FAM204A: variants seen among roughly 807,000 people sequenced by gnomAD.
The protein encoded by FAM204A is family with sequence similarity 204 member A.
FAM204A carries 16 observed loss-of-function variants against 35.4 expected under a neutral mutation model. The ratio of observed to expected loss-of-function variants is 0.45; its 90% CI spans 0.31 to 0.69. The LOEUF (loss-of-function observed/expected upper bound fraction) is 0.69. Among genes scored for constraint, FAM204A ranks in the 30% least tolerant of loss-of-function variants. The probability of loss-of-function intolerance (pLI) is 0.07; values close to 1 mark genes in which losing one functional copy is unlikely to be tolerated. For synonymous variants in FAM204A, 76 were observed against 86.9 expected, an observed-to-expected ratio of 0.88 and a Z score of 0.70; for missense variants, 240 against 265.7, an observed-to-expected ratio of 0.90 and a Z score of 0.67.
chr10:118,332,174 A>G (rs1032067992), intron 6 of FAM204A, among the ~76,000 whole-genome samples: 3 of 33,444 alleles, frequency 9.0e-5, no homozygotes, highest in African/African-American at 2.6e-4. Context: ...TCTGTTTCAG[A>G]AAAAAAAAAA....
chr10:118,298,148 C>T lies in FAM204A; in HGVS notation c.*12709G>A, dbSNP rs909108300. On this transcript the variant is annotated 3_prime_UTR_variant, in exon 9 of 9. Coordinates refer to ENST00000369183, the MANE Select transcript of FAM204A (RefSeq NM_022063.3). Reference sequence around the variant, plus strand: ...ATGTGTGTGGGAGTGAGAGAGCTAACGTTACGTGTGGCTTTAAATTTTTGA... The same window carrying T: ...ATGTGTGTGGGAGTGAGAGAGCTAATGTTACGTGTGGCTTTAAATTTTTGA... 5 of 152,162 alleles carry T rather than the reference C, an allele frequency of 3.3e-5. No individual in the cohort carries two copies. The highest frequency in any genetic ancestry group is 7.3e-5 in the Non-Finnish European group (5 of 68,048). 9.4% of individuals were successfully genotyped at this position (152,162 alleles called of 1,614,324 possible).
At chr10:118,337,483 T>TA (rs1433032782) in intron 2 of FAM204A, among the ~76,000 whole-genome samples, 1 of 152,190 alleles carries the variant, frequency 6.6e-6, no homozygotes, top group African/African-American at 2.4e-5. Flanking sequence ...GATTTTGTGA[T>TA]AACAGATTTC....
chr10:118,318,107 T>C (rs968141393), intron 7 of FAM204A, among the ~76,000 whole-genome samples: 1 of 152,036 alleles, frequency 6.6e-6, no homozygotes, highest in East Asian at 1.9e-4. Flanking sequence ...TGGTCTCCTA[T>C]ATTCTTTCTC....
chr10:118,319,731 G>A (rs139129666), intron 7 of FAM204A, among the ~76,000 whole-genome samples: 2 of 151,886 alleles, frequency 1.3e-5, no homozygotes, highest in African/African-American at 4.8e-5. Flanking sequence ...AGATGGCAGC[G>A]CATTATAACC....
intron 7 of FAM204A, among the ~76,000 whole-genome samples, chr10:118,324,889 T>A (rs1332113106): frequency 6.6e-6 from 1 of 152,166 alleles, no homozygotes; most frequent in Non-Finnish European, 1.5e-5. Flanking sequence ...CAGCTTATTT[T>A]CTGAAAGGCC....
Position 118,305,848 on chromosome 10 carries a change from A to C in FAM204A, c.*5009T>G, listed in dbSNP as rs901440274. 2.6e-5 allele frequency: 4 copies of C among 152,236 alleles called. No individual in the cohort carries two copies. The highest frequency in any genetic ancestry group is 2.9e-5 in the Non-Finnish European group (2 of 68,036). 9.4% of individuals were successfully genotyped at this position (152,236 alleles called of 1,614,324 possible). A position where few individuals can be genotyped will look rare whatever the true frequency, so the allele number is the denominator to read the frequency against. ...AAACGCAAAGCTTCATTGTTTCACT[A>C]TTCCTTGTGACATTCATAATTACTT... On this transcript the variant is annotated 3_prime_UTR_variant, in exon 9 of 9. Coordinates refer to ENST00000369183, the MANE Select transcript of FAM204A (RefSeq NM_022063.3).
chr10:118,326,284 A>G, intron 6 of FAM204A, 41 bp from the exon 7 acceptor site: 2 of 1,542,768 alleles, frequency 1.3e-6, no homozygotes, highest in Non-Finnish European at 8.9e-7. Context: ...CTGGAAGGAA[A>G]GCAAACATTT....
At chr10:118,320,272 TAAAA>T (rs1167494995) in intron 7 of FAM204A, among the ~76,000 whole-genome samples, 2 of 146,256 alleles carry the variant, frequency 1.4e-5, no homozygotes, top group Non-Finnish European at 1.5e-5. Context: ...TTAAATAAAA[TAAAA>T]ACTTTATTTA....
intron 6 of FAM204A, among the ~76,000 whole-genome samples, chr10:118,330,078 CTTTA>C (rs1197571223): frequency 6.6e-6 from 1 of 152,140 alleles, no homozygotes; most frequent in Non-Finnish European, 1.5e-5. Context: ...GCACCTAGAA[CTTTA>C]TTTAATTTTT....
rs1282417818 is a variant in FAM204A at position 118,298,689 on chromosome 10, C to T, written c.*12168G>A. 2 of 152,144 alleles carry T rather than the reference C, an allele frequency of 1.3e-5. No homozygotes were observed. Among genetic ancestry groups the T allele is most frequent in the Non-Finnish European group, 2.9e-5 (2 of 68,034 alleles). The allele number at this position is 152,144 out of a possible 1,614,324, so 9.4% of individuals were successfully genotyped here. A position where few individuals can be genotyped will look rare whatever the true frequency, so the allele number is the denominator to read the frequency against. On this transcript the variant is annotated 3_prime_UTR_variant, in exon 9 of 9. Coordinates refer to ENST00000369183, the MANE Select transcript of FAM204A (RefSeq NM_022063.3). ...CAATGTACAGAGATTATTGTTACGTCCACATTATTATTTTTGGCACTAGGA... is the reference window on the plus strand; with the variant it reads ...CAATGTACAGAGATTATTGTTACGTTCACATTATTATTTTTGGCACTAGGA...
chr10:118,323,774 C>A (rs1238814068), intron 7 of FAM204A, among the ~76,000 whole-genome samples: 1 of 151,946 alleles, frequency 6.6e-6, no homozygotes, highest in Admixed American at 6.6e-5. Context: ...CTTTCAAGTA[C>A]AATTACTTGA....
intron 4 of FAM204A, 27 bp from the exon 5 acceptor site, chr10:118,335,453 A>C: frequency 6.3e-7 from 1 of 1,597,158 alleles, no homozygotes; most frequent in Non-Finnish European, 8.5e-7. Context: ...AAGTGTCAAT[A>C]CCTAACTTCA....
chr10:118,328,035 T>C (rs915190163), intron 6 of FAM204A, among the ~76,000 whole-genome samples: 1 of 152,158 alleles, frequency 6.6e-6, no homozygotes, highest in Admixed American at 6.5e-5. Flanking sequence ...AATTTCTCCA[T>C]AAGGAAAGTA....
intron 2 of FAM204A, among the ~76,000 whole-genome samples, chr10:118,338,749 T>G (rs571722377): frequency 2.0e-5 from 3 of 152,096 alleles, no homozygotes; most frequent in African/African-American, 7.2e-5. Context: ...GTGGCACAGG[T>G]CTCCTACTAA....
rs749241781 is a variant in FAM204A, at chr10:118,312,146, CT to C, written c.544-834del. Among the ~76,000 whole-genome samples, 7 of 152,230 alleles carry C rather than the reference CT, an allele frequency of 4.6e-5. 1 individual carries two copies. In the East Asian group the frequency reaches 7.7e-4, roughly 17 times the overall value. ...AGGATAAGCATTGTGATGGTATCTTCTACTTTTAGTGTGCTCTTAGTTTTAA... is the reference window on the plus strand; with the variant it reads ...AGGATAAGCATTGTGATGGTATCTTCACTTTTAGTGTGCTCTTAGTTTTAA... On this transcript the variant is annotated intron_variant, in intron 7 of 8. Coordinates refer to ENST00000369183, the MANE Select transcript of FAM204A (RefSeq NM_022063.3).
chr10:118,334,662 G>T (rs572148206), intron 6 of FAM204A, among the ~76,000 whole-genome samples: 1 of 152,228 alleles, frequency 6.6e-6, no homozygotes, highest in East Asian at 1.9e-4. Flanking sequence ...TACACAATTT[G>T]GTCACTGACT....
In FAM204A at chr10:118,304,349, A is replaced by C. The variant is rs1214444034; in HGVS notation, c.*6508T>G. 6.6e-6 allele frequency: 1 copy of C among 152,186 alleles called. No individual in the cohort carries two copies. Among genetic ancestry groups the C allele is most frequent in the Non-Finnish European group, 1.5e-5 (1 of 68,042 alleles). The allele number at this position is 152,186 out of a possible 1,614,324, so 9.4% of individuals were successfully genotyped here. A position where few individuals can be genotyped will look rare whatever the true frequency, so the allele number is the denominator to read the frequency against. Reference sequence around the variant, plus strand: ...ACTAAATGTCTAACTCTATATTACTAAACTACTAATATAACATTACTCTTT... The same window carrying C: ...ACTAAATGTCTAACTCTATATTACTCAACTACTAATATAACATTACTCTTT... On this transcript the variant is annotated 3_prime_UTR_variant, in exon 9 of 9. Transcript: ENST00000369183.
At position 118,304,829 on chromosome 10, in the gene FAM204A, G is replaced by C. The variant is rs1845845047; in HGVS notation, c.*6028C>G. ...AAATGACTCCATCAAATCACAAATA[G>C]TAGTTTGTGCTACTCAACATCAGCA... On this transcript the variant is annotated 3_prime_UTR_variant, in exon 9 of 9. Coordinates refer to ENST00000369183, the MANE Select transcript of FAM204A (RefSeq NM_022063.3). The C allele has an allele frequency of 6.6e-6, 1 of 152,206 alleles. No individual in the cohort carries two copies. The highest frequency in any genetic ancestry group is 2.4e-5 in the African/African-American group (1 of 41,446). The allele number at this position is 152,206 out of a possible 1,614,324, so 9.4% of individuals were successfully genotyped here.
chr10:118,324,142 C>T (rs1319839058), intron 7 of FAM204A, among the ~76,000 whole-genome samples: 2 of 151,932 alleles, frequency 1.3e-5, no homozygotes, highest in Non-Finnish European at 2.9e-5. Context: ...TGCTGTTATA[C>T]ACAATGAAAG....
Sources: allele counts gnomAD v4.1 joint callset (sites outside exome capture counted in the v4.1 genomes callset), GRCh38; gene constraint gnomAD v4.1.1; transcripts MANE v1.5; gene names NCBI Gene and HGNC (gene_info 2026-07-23, HGNC 2026-07-21).